The following MAPK8IP1 variants were observed in gnomAD, a reference collection of about 807,000 sequenced individuals.
MAPK8IP1 encodes the protein mitogen-activated protein kinase 8 interacting protein 1.
MAPK8IP1 carries 17 observed loss-of-function variants against 72.6 expected under a neutral mutation model. That is an observed-to-expected ratio of 0.23 (90% CI 0.16 to 0.35). MAPK8IP1 has a LOEUF of 0.35. Among genes scored for constraint, MAPK8IP1 ranks in the 10% least tolerant of loss-of-function variants. The pLI, the probability that MAPK8IP1 is intolerant of heterozygous loss-of-function variation, is 1.00. For missense variants in MAPK8IP1, 789 were observed against 1,009.7 expected, an observed-to-expected ratio of 0.78 and a Z score of 2.96; for synonymous variants, 401 against 443.4, an observed-to-expected ratio of 0.90 and a Z score of 1.20.
Position 45,905,883 on chromosome 11 carries a change from G to A in MAPK8IP1, c.*162G>A, listed in dbSNP as rs943486338. ...GGGTAGGGGAGGGTGGGGCAATGGG[G>A]AGAGGCAAATGCAGTTTATTGTAAT... On this transcript the variant is annotated 3_prime_UTR_variant, in exon 12 of 12. Coordinates refer to ENST00000241014, the MANE Select transcript of MAPK8IP1 (RefSeq NM_005456.4). 3 of 694,706 alleles carry A rather than the reference G, an allele frequency of 4.3e-6. No individual in the cohort carries two copies. Among genetic ancestry groups the A allele is most frequent in the Non-Finnish European group, 7.7e-6 (3 of 387,692 alleles). The allele number at this position is 694,706 out of a possible 1,614,324, so 43.0% of individuals were successfully genotyped here.
Position 45,904,583 on chromosome 11 carries a change from T to G in MAPK8IP1, c.1776+19T>G. On this transcript the variant is annotated intron_variant, in intron 8 of 11. Coordinates refer to ENST00000241014, the MANE Select transcript of MAPK8IP1 (RefSeq NM_005456.4). The surrounding 1 kb of genome is among the most constrained non-coding windows in gnomAD (Gnocchi z 6.4). ...GCAAAAGGTACCTGAGCCCTCTCCC[T>G]TCTCCTCCCTTGGATGGGTCCCTGG... 1 of 1,610,756 alleles carries G rather than the reference T, an allele frequency of 6.2e-7. No individual in the cohort carries two copies. Among genetic ancestry groups the G allele is most frequent in the Non-Finnish European group, 8.5e-7 (1 of 1,176,950 alleles).
chr11:45,898,026 G>A, intron 1 of MAPK8IP1, 59 bp from the exon 2 acceptor site: 1 of 1,010,384 alleles, frequency 9.9e-7, no homozygotes, highest in Non-Finnish European at 1.6e-6. Flanking sequence ...GAGGTAACAG[G>A]GAGATGTGAG....
In MAPK8IP1 at chr11:45,900,430, T is replaced by G; in HGVS notation, c.500T>G (p.Phe167Cys). The G allele has an allele frequency of 2.0e-6, 3 of 1,532,164 alleles. No homozygotes were observed. The African/African-American group carries it at 4.1e-5, about 21-fold the overall frequency. The allele number at this position is 1,532,164 out of a possible 1,614,324, so 94.9% of individuals were successfully genotyped here. Residue 167 changes from phenylalanine (F) to cysteine (C), a missense_variant, in exon 3 of 12, where the codon TTT becomes TGT. Around this residue, in one of 4 missense-constraint regions of MAPK8IP1, gnomAD observed 112 missense variants for 192.8 expected, o/e 0.58. Coordinates refer to ENST00000241014, the MANE Select transcript of MAPK8IP1 (RefSeq NM_005456.4). The surrounding 1 kb of genome is among the most constrained non-coding windows in gnomAD (Gnocchi z 6.5). ...AAGCGGCCCACCACGCTCAACCTCT[T>G]TCCGCAGGTGCCGCGGTCTCAGGTG... Reference protein sequence around the residue: ...RPKRPTTLNLFPQVPRSQDTL... With the variant: ...RPKRPTTLNLCPQVPRSQDTL...
rs2086644842 is a variant in MAPK8IP1, at chr11:45,900,579, C to T, written c.522+127C>T. 3.8e-6 allele frequency: 4 copies of T among 1,046,972 alleles called. No individual in the cohort carries two copies. The highest frequency in any genetic ancestry group is 3.4e-5 in the African/African-American group (2 of 59,426). 64.9% of individuals were successfully genotyped at this position (1,046,972 alleles called of 1,614,324 possible). A position where few individuals can be genotyped will look rare whatever the true frequency, so the allele number is the denominator to read the frequency against. ...CTGGGGACAGCGCCTGCATAGGGGC[C>T]GCGGTGGCTCGCTCCCGGTGTTGGG... On this transcript the variant is annotated intron_variant, in intron 3 of 11. Coordinates refer to ENST00000241014, the MANE Select transcript of MAPK8IP1 (RefSeq NM_005456.4). The surrounding 1 kb of genome is among the most constrained non-coding windows in gnomAD (Gnocchi z 6.5).
At position 45,898,134 on chromosome 11, in the gene MAPK8IP1, G is replaced by A. The variant is rs747584983; in HGVS notation, c.151G>A (p.Glu51Lys). 2 of 1,613,732 alleles carry A rather than the reference G, an allele frequency of 1.2e-6. No homozygotes were observed. Among genetic ancestry groups the A allele is most frequent in the Non-Finnish European group, 1.7e-6 (2 of 1,179,886 alleles). The change falls in exon 2 of 12, where the codon GAG becomes AAG. Residue 51 changes from glutamate to lysine, a missense_variant. Coordinates refer to ENST00000241014, the MANE Select transcript of MAPK8IP1 (RefSeq NM_005456.4). ...LEEFEDEDLS[E>K]ITDECGISLQ... ...GGAGTTTGAGGATGAAGACCTCTCG[G>A]AGATCACTGATGAGTGTGGCATCAG... is the stretch of plus-strand genomic sequence containing the variant.
rs1257770694 is a variant in MAPK8IP1, at chr11:45,900,876, G to A, written c.522+424G>A. On this transcript the variant is annotated intron_variant, in intron 3 of 11. Coordinates refer to ENST00000241014, the MANE Select transcript of MAPK8IP1 (RefSeq NM_005456.4). The surrounding 1 kb of genome is among the most constrained non-coding windows in gnomAD (Gnocchi z 6.5). ...GGCATCTGAAATGGTCATCGTGGGG[G>A]AGGCCGTGGGAGATCGTGGCGAGGT... 1.3e-5 allele frequency among the ~76,000 whole-genome samples: 2 copies of A among 152,110 alleles called. No individual in the cohort carries two copies. The highest frequency in any genetic ancestry group is 2.9e-5 in the Non-Finnish European group (2 of 68,010).
At position 45,902,898 on chromosome 11, in the gene MAPK8IP1, C is replaced by T. The variant is rs1180291182; in HGVS notation, c.1131C>T (p.Asp377=). 1 of 1,606,990 alleles carries T rather than the reference C, an allele frequency of 6.2e-7. No homozygotes were observed. The highest frequency in any genetic ancestry group is 8.5e-7 in the Non-Finnish European group (1 of 1,177,212). Residue 377 remains aspartate, a synonymous_variant, in exon 5 of 12, where the codon GAC becomes GAT. Coordinates refer to ENST00000241014, the MANE Select transcript of MAPK8IP1 (RefSeq NM_005456.4). This position sits in a 1 kb window ranked among gnomAD's most constrained non-coding sequence, Gnocchi z 9.3. ...CGGACACCAGCGCCCTGTCCTATGA[C>T]TCTGTCAAGTACACGCTGGTGGTAG... The part of the protein sequence containing the change: ...LSSDTSALSY[D]SVKYTLVVDE...
In MAPK8IP1 at chr11:45,900,142, C is replaced by A. The variant is rs972656527; in HGVS notation, c.212C>A (p.Pro71Gln). The A allele has an allele frequency of 1.8e-5, 23 of 1,277,192 alleles. No individual in the cohort carries two copies. The African/African-American group carries it at 2.0e-4, about 11-fold the overall frequency. 79.1% of individuals were successfully genotyped at this position (1,277,192 alleles called of 1,614,324 possible). Residue 71 changes from proline to glutamine, a missense_variant, in exon 3 of 12, where the codon CCG becomes CAG. By Grantham distance (76) the Pro-to-Gln change is moderately conservative (BLOSUM62 -1). This residue lies in a region of MAPK8IP1 where 112 missense variants were observed against 111.8 expected (regional missense o/e 1.00). Transcript: ENST00000241014. The surrounding 1 kb of genome is among the most constrained non-coding windows in gnomAD (Gnocchi z 6.5). ...GCCCCTCCGTGCGCTGTGCAGCCCC[C>A]GCGCGCCGGGCTGCTCTCTGCGGGC... ...QCKDTLSLRP[P>Q]RAGLLSAGGG...
chr11:45,899,452 T>A (rs2086632880), intron 2 of MAPK8IP1, among the ~76,000 whole-genome samples: 1 of 152,192 alleles, frequency 6.6e-6, no homozygotes, highest in Admixed American at 6.5e-5. Flanking sequence ...CCCACTCAAC[T>A]GATGAGGGGG....
At position 45,902,125 on chromosome 11, in the gene MAPK8IP1, G is replaced by GAGCA. The variant is rs2086658408; in HGVS notation, c.604+66_604+69dup. The GAGCA allele has an allele frequency of 1.4e-6, 2 of 1,413,012 alleles. No individual in the cohort carries two copies. Among genetic ancestry groups the GAGCA allele is most frequent in the Admixed American group, 3.3e-5 (2 of 59,768 alleles). The allele number at this position is 1,413,012 out of a possible 1,614,324, so 87.5% of individuals were successfully genotyped here. On this transcript the variant is annotated intron_variant, in intron 4 of 11. Transcript: ENST00000241014. This position sits in a 1 kb window ranked among gnomAD's most constrained non-coding sequence, Gnocchi z 9.3. ...GCCCTGACTCAGTCCCCACTACAGA[G>GAGCA]AGCAAACCCTACAGTCTCCAAAGGG...
chr11:45,891,215 C>G (rs1036999593), intron 1 of MAPK8IP1, among the ~76,000 whole-genome samples: 21 of 152,206 alleles, frequency 1.4e-4, no homozygotes, highest in African/African-American at 4.8e-4. Flanking sequence ...CCCCATGGTT[C>G]CCACAAATTG....
At position 45,902,583 on chromosome 11, in the gene MAPK8IP1, T is replaced by C. The variant is rs1411022826; in HGVS notation, c.816T>C (p.Asp272=). Residue 272 remains aspartate, a synonymous_variant, in exon 5 of 12, where the codon GAT becomes GAC. Coordinates refer to ENST00000241014, the MANE Select transcript of MAPK8IP1 (RefSeq NM_005456.4). The surrounding 1 kb of genome is among the most constrained non-coding windows in gnomAD (Gnocchi z 9.3). ...SHRDRIHYQA[D]VRLEATEEIY... ...GAGACCGAATCCACTACCAGGCCGA[T>C]GTGCGACTAGAGGCCACTGAGGAGA... The C allele has an allele frequency of 2.5e-6, 4 of 1,612,758 alleles. No individual in the cohort carries two copies. In the South Asian group the frequency reaches 3.3e-5, roughly 13 times the overall value.
chr11:45,902,076 T>A lies in MAPK8IP1; in HGVS notation c.604+15T>A. The stretch of plus-strand genomic sequence containing the variant: ...CCTGAAGACAGGTAAGTCAGGGCCC[T>A]CTTCCTTACCTGGACCTCCGCCTGC... On this transcript the variant is annotated intron_variant, in intron 4 of 11. Transcript: ENST00000241014. The surrounding 1 kb of genome is among the most constrained non-coding windows in gnomAD (Gnocchi z 9.3). 1 of 1,609,142 alleles carries A rather than the reference T, an allele frequency of 6.2e-7. No individual in the cohort carries two copies. The highest frequency in any genetic ancestry group is 8.5e-7 in the Non-Finnish European group (1 of 1,175,478).
chr11:45,889,437 A>C (rs1565069702), intron 1 of MAPK8IP1, among the ~76,000 whole-genome samples: 1 of 152,246 alleles, frequency 6.6e-6, no homozygotes, highest in Non-Finnish European at 1.5e-5. Flanking sequence ...ATTCAAAATT[A>C]AAGTGATACA....
Position 45,902,961 on chromosome 11 carries a change from G to T in MAPK8IP1, c.1194G>T (p.Pro398=). The change falls in exon 5 of 12, where the codon CCG becomes CCT. Residue 398 remains proline, a synonymous_variant. Transcript: ENST00000241014. This position sits in a 1 kb window ranked among gnomAD's most constrained non-coding sequence, Gnocchi z 9.3. ...HAQLELVSLR[P]CFGDYSDESD... is the part of the protein sequence containing the mutation. ...AGCTGGAGCTGGTGAGCCTGCGGCC[G>T]TGCTTCGGAGACTACAGTGACGAGA... 6.2e-7 allele frequency: 1 copy of T among 1,611,964 alleles called. No individual in the cohort carries two copies. The highest frequency in any genetic ancestry group is 8.5e-7 in the Non-Finnish European group (1 of 1,179,850).
rs2086638389 is a variant in MAPK8IP1, at chr11:45,900,100, C to G, written c.208-38C>G. ...GGTGCAAGCGGCCTCGGCCCCGCCC[C>G]GGCCCCGCCCCCTGACGCCCCTCCG... On this transcript the variant is annotated intron_variant, in intron 2 of 11. Coordinates refer to ENST00000241014, the MANE Select transcript of MAPK8IP1 (RefSeq NM_005456.4). This position sits in a 1 kb window ranked among gnomAD's most constrained non-coding sequence, Gnocchi z 6.5. The G allele has an allele frequency of 8.5e-7, 1 of 1,175,734 alleles. No individual in the cohort carries two copies. The highest frequency in any genetic ancestry group is 4.5e-5 in the Admixed American group (1 of 22,120). 72.8% of individuals were successfully genotyped at this position (1,175,734 alleles called of 1,614,324 possible). A position where few individuals can be genotyped will look rare whatever the true frequency, so the allele number is the denominator to read the frequency against.
intron 1 of MAPK8IP1, among the ~76,000 whole-genome samples, chr11:45,890,503 C>T (rs985104121): frequency 7.9e-5 from 12 of 152,210 alleles, no homozygotes; most frequent in Non-Finnish European, 1.5e-4. Flanking sequence ...GTTAGACAAG[C>T]TTGTTCTAGG....
intron 2 of MAPK8IP1, among the ~76,000 whole-genome samples, chr11:45,898,477 G>T (rs1327321432): frequency 6.6e-6 from 1 of 152,098 alleles, no homozygotes; most frequent in Non-Finnish European, 1.5e-5. Flanking sequence ...GAGACCTAGG[G>T]CAGTAACAAT....
chr11:45,889,718 C>T (rs1429588630), intron 1 of MAPK8IP1, among the ~76,000 whole-genome samples: 1 of 152,042 alleles, frequency 6.6e-6, no homozygotes. Flanking sequence ...GCGAGTGGCT[C>T]CCCCAAGAGC....
Sources: allele counts gnomAD v4.1 joint callset (sites outside exome capture counted in the v4.1 genomes callset), GRCh38; gene constraint gnomAD v4.1.1; regional missense constraint gnomAD v4.1.1; non-coding constraint Gnocchi (gnomAD v3.1); transcripts MANE v1.5; gene names NCBI Gene and HGNC (gene_info 2026-07-23, HGNC 2026-07-21).